AGBL1: variants seen among roughly 807,000 people sequenced by gnomAD.
AGBL1 encodes the protein AGBL carboxypeptidase 1, also known as cytosolic carboxypeptidase 4.
AGBL1 carries 130 observed loss-of-function variants against 118.9 expected under a neutral mutation model. That is an observed-to-expected ratio of 1.09 (90% confidence interval 0.95 to 1.26). The LOEUF (loss-of-function observed/expected upper bound fraction) is 1.26, where lower values mean the gene tolerates loss of function less well. AGBL1 is among the 50% of genes most tolerant of loss of function. AGBL1 has a pLI of 0.00. For synonymous variants in AGBL1, 555 were observed against 478.9 expected (o/e 1.16, Z -2.08); for missense variants, 1,584 against 1,298.1 (o/e 1.22, Z -3.38).
Position 86,572,917 on chromosome 15 carries a change from C to G in AGBL1, c.2994+18380C>G, listed in dbSNP as rs543390522. On this transcript the variant is annotated intron_variant, in intron 21 of 22. Transcript: ENST00000614907. ...CGGTTCAAGTCTTCAACATTCTTCA[C>G]CATTTCTGCAATCTAATAGAGCAGC... Among the ~76,000 whole-genome samples the G allele has an allele frequency of 4.9e-4, 75 of 152,350 alleles. 2 individuals are homozygous for G. The highest frequency in any genetic ancestry group is 1.7e-3 in the African/African-American group (72 of 41,582).
chr15:86,389,056 GT>G (rs1380727321), intron 17 of AGBL1, among the ~76,000 whole-genome samples: 1 of 152,084 alleles, frequency 6.6e-6, no homozygotes, highest in African/African-American at 2.4e-5. Context: ...AAATGTATCG[GT>G]AATAACTGAT....
intron 24 of AGBL1, among the ~76,000 whole-genome samples, chr15:86,991,818 A>C (rs2081338591): frequency 6.6e-6 from 1 of 152,094 alleles, no homozygotes; most frequent in African/African-American, 2.4e-5. Flanking sequence ...CCAAAATCTC[A>C]ATCTCAGCTT....
At chr15:86,778,549 G>T (rs2078290160) in intron 22 of AGBL1, among the ~76,000 whole-genome samples, 4 of 152,146 alleles carry the variant, frequency 2.6e-5, no homozygotes, top group African/African-American at 7.2e-5. Context: ...CTGAGAAAAA[G>T]AATTCAGCGA....
At chr15:86,169,311 C>T (rs765304828) in intron 5 of AGBL1, among the ~76,000 whole-genome samples, 1 of 152,144 alleles carries the variant, frequency 6.6e-6, no homozygotes, top group Non-Finnish European at 1.5e-5. Context: ...GGGAAATTAG[C>T]CAAAGCCAAG....
rs185520849 is a variant in AGBL1 at position 86,443,779 on chromosome 15, T to C, written c.2555+46233T>C. The stretch of plus-strand genomic sequence containing the variant: ...CCTGTGTTGCCATGAATGACAAGAT[T>C]TCACTCTTTTTATGACTGAATAGTA... On this transcript the variant is annotated intron_variant, in intron 18 of 22. Coordinates refer to ENST00000614907, the MANE Select transcript of AGBL1 (RefSeq NM_001386094.1). Among the ~76,000 whole-genome samples, 76 of 152,318 alleles carry C rather than the reference T, an allele frequency of 5.0e-4. 1 individual carries two copies. The highest frequency in any genetic ancestry group is 4.4e-3 in the East Asian group (23 of 5,180).
rs2081385471 is a variant in AGBL1, at chr15:86,397,486, G to A, written c.2495G>A (p.Arg832Lys). 1 of 1,613,028 alleles carries A rather than the reference G, an allele frequency of 6.2e-7. No homozygotes were observed. ...AGTGACCCTGTGGCTAGGCTCTTGA[G>A]GGAAAACTTCATCTTCAAGATCATA... ...VSSDPVARLL[R>K]ENFIFKIIPM... The change falls in exon 18 of 23, where the codon AGG becomes AAG. Residue 832 changes from arginine (R) to lysine (K), a missense_variant. Coordinates refer to ENST00000614907, the MANE Select transcript of AGBL1 (RefSeq NM_001386094.1).
At chr15:86,626,909 C>T (rs1180597792) in intron 21 of AGBL1, among the ~76,000 whole-genome samples, 1 of 148,348 alleles carries the variant, frequency 6.7e-6, no homozygotes, top group Non-Finnish European at 1.5e-5. Context: ...ACAATCTTGG[C>T]TCACTGCAAC....
At chr15:86,506,209 C>T (rs1453490511) in intron 18 of AGBL1, among the ~76,000 whole-genome samples, 6 of 152,036 alleles carry the variant, frequency 3.9e-5, no homozygotes, top group Admixed American at 6.6e-5. Context: ...GGATTGAGAG[C>T]TCAGGGCCTT....
rs1450944713 is a variant in AGBL1 at position 86,429,226 on chromosome 15, A to G, written c.2555+31680A>G. ...CGGATGGCAAGAAAACAAATATGCA[A>G]TGGTATCTCTCAGAACTGGTTTAAA... On this transcript the variant is annotated intron_variant, in intron 18 of 22. Transcript: ENST00000614907. Among the ~76,000 whole-genome samples, 10 of 152,318 alleles carry G rather than the reference A, an allele frequency of 6.6e-5. No individual in the cohort carries two copies. The East Asian group carries it at 1.9e-3, about 29-fold the overall frequency.
intron 22 of AGBL1, among the ~76,000 whole-genome samples, chr15:86,887,819 A>G (rs957385929): frequency 2.0e-5 from 3 of 152,110 alleles, no homozygotes; most frequent in Non-Finnish European, 4.4e-5. Context: ...GTATAAATAG[A>G]GAAAAAGAAA....
intron 1 of AGBL1, among the ~76,000 whole-genome samples, chr15:86,099,861 A>G (rs1402226009): frequency 6.6e-6 from 1 of 151,980 alleles, no homozygotes; most frequent in Non-Finnish European, 1.5e-5. Context: ...TAGTACTTTC[A>G]GTACTATGTT....
At chr15:86,675,831 T>G (rs537120346) in intron 22 of AGBL1, among the ~76,000 whole-genome samples, 1 of 152,212 alleles carries the variant, frequency 6.6e-6, no homozygotes, top group Non-Finnish European at 1.5e-5. Flanking sequence ...TGAGCAGAAC[T>G]GGCATTGCTT....
Position 86,123,990 on chromosome 15 carries a change from A to G in AGBL1, c.52-18014A>G, listed in dbSNP as rs1184313000. 2.6e-5 allele frequency among the ~76,000 whole-genome samples: 4 copies of G among 152,296 alleles called. No homozygotes were observed. In the South Asian group the frequency reaches 8.3e-4, roughly 32 times the overall value. On this transcript the variant is annotated intron_variant, in intron 1 of 22. Transcript: ENST00000614907. ...TGGGATATTGGAATGGAACGAGGAC[A>G]TTAGTGAACCTGGTGAAATCTAGTA...
At chr15:87,028,898 T>A in exon 25 of AGBL1, 1 of 1,546,442 alleles carries the variant, frequency 6.5e-7, no homozygotes, top group Non-Finnish European at 8.9e-7. Context: ...CAGCTCCTCC[T>A]GGATCTGTGA....
chr15:86,443,336 C>T (rs1361691467), intron 18 of AGBL1, among the ~76,000 whole-genome samples: 1 of 152,146 alleles, frequency 6.6e-6, no homozygotes, highest in Non-Finnish European at 1.5e-5. Flanking sequence ...TTAATTGATG[C>T]ACAATAATTT....
chr15:86,765,381 G>A (rs1366031352), intron 22 of AGBL1, among the ~76,000 whole-genome samples: 1 of 151,998 alleles, frequency 6.6e-6, no homozygotes, highest in East Asian at 1.9e-4. Flanking sequence ...AGGAAAGGAA[G>A]CAAGTCAACA....
chr15:86,966,690 G>A (rs536851082), intron 23 of AGBL1, among the ~76,000 whole-genome samples: 3 of 152,210 alleles, frequency 2.0e-5, no homozygotes, highest in East Asian at 3.9e-4. Flanking sequence ...ATTGCATGGT[G>A]TATATGTGCC....
At chr15:86,773,278 C>T (rs905871646) in intron 22 of AGBL1, among the ~76,000 whole-genome samples, 5 of 151,952 alleles carry the variant, frequency 3.3e-5, no homozygotes, top group East Asian at 1.9e-4. Context: ...TGATGGGGTA[C>T]GGAGGAGGCA....
chr15:86,752,520 G>A (rs1454658733), intron 22 of AGBL1, among the ~76,000 whole-genome samples: 1 of 152,070 alleles, frequency 6.6e-6, no homozygotes, highest in Non-Finnish European at 1.5e-5. Flanking sequence ...ATTCTTCCAT[G>A]TCTGTCATCA....
Sources: gnomAD v4.1 joint callset for allele counts (sites outside exome capture counted in the v4.1 genomes callset) on GRCh38, gnomAD v4.1.1 for gene constraint, MANE v1.5 for transcripts, NCBI Gene and HGNC (gene_info 2026-07-23, HGNC 2026-07-21) for gene names.